TULP4: variants seen among roughly 807,000 people sequenced by gnomAD.
TULP4 encodes tubby-related protein 4.
A neutral mutation model predicts 129.0 loss-of-function variants in TULP4; 16 were observed. The observed-to-expected ratio is 0.12, with a 90% CI of 0.08 to 0.19. The LOEUF (loss-of-function observed/expected upper bound fraction) is 0.19, where lower values mean the gene tolerates loss of function less well. TULP4 is among the 10% of genes least tolerant of loss of function. The probability of loss-of-function intolerance (pLI) is 1.00; values close to 1 mark genes in which losing one functional copy is unlikely to be tolerated. For missense variants in TULP4, 1,842 were observed against 2,059.1 expected (o/e 0.89, Z 2.04); for synonymous variants, 998 against 854.0 (o/e 1.17, Z -2.94).
At chr6:158,450,760 AAAAAG>A (rs1343707133) in intron 4 of TULP4, among the ~76,000 whole-genome samples, 1 of 151,958 alleles carries the variant, frequency 6.6e-6, no homozygotes, top group Non-Finnish European at 1.5e-5. Flanking sequence ...TTGAAAAAAA[AAAAAG>A]AAAACAAGGG....
chr6:158,440,091 C>T (rs926597480), intron 3 of TULP4, among the ~76,000 whole-genome samples: 18 of 151,348 alleles, frequency 1.2e-4, no homozygotes, highest in African/African-American at 2.9e-4. Context: ...TTTGGGAGAC[C>T]GAGGCGGGAG....
chr6:158,260,214 G>A (rs1778326279), intron 1 of TULP4, among the ~76,000 whole-genome samples: 1 of 152,174 alleles, frequency 6.6e-6, no homozygotes, highest in South Asian at 2.1e-4. Context: ...ACTCTTCACA[G>A]ATAACAAAAG....
intron 3 of TULP4, among the ~76,000 whole-genome samples, chr6:158,434,319 G>A (rs541517276): frequency 3.3e-5 from 5 of 152,294 alleles, no homozygotes; most frequent in African/African-American, 1.2e-4. Context: ...AAGAAATAGT[G>A]ATATAAACTC....
At chr6:158,402,402 G>A (rs144980585) in intron 1 of TULP4, among the ~76,000 whole-genome samples, 167 of 152,336 alleles carry the variant, frequency 1.1e-3, no homozygotes, top group African/African-American at 3.9e-3. Context: ...TGGAGTCACA[G>A]ATTGGTTTTT....
At chr6:158,500,113 G>A (rs553595239) in intron 12 of TULP4, among the ~76,000 whole-genome samples, 202 of 152,310 alleles carry the variant, frequency 1.3e-3, no homozygotes, top group Non-Finnish European at 2.1e-3. Flanking sequence ...AAAATGCGAG[G>A]AATACAGCCC....
intron 1 of TULP4, among the ~76,000 whole-genome samples, chr6:158,330,501 CTT>C (rs962476198): frequency 6.6e-6 from 1 of 152,220 alleles, no homozygotes; most frequent in South Asian, 2.1e-4. Flanking sequence ...CTTTCTCTCT[CTT>C]GTTATATATG....
At chr6:158,278,764 A>C (rs571613575), upstream of TULP4, among the ~76,000 whole-genome samples, 1 of 152,104 alleles carries the variant, frequency 6.6e-6, no homozygotes, top group Non-Finnish European at 1.5e-5. Context: ...ATCTTATTGA[A>C]CAAATACTTT....
intron 1 of TULP4, among the ~76,000 whole-genome samples, chr6:158,244,926 C>T (rs1403138130): frequency 1.3e-5 from 2 of 152,000 alleles, no homozygotes; most frequent in East Asian, 1.9e-4. Flanking sequence ...ATGGTTTTAT[C>T]GCAGCCTGAG....
At position 158,452,191 on chromosome 6, in the gene TULP4, G is replaced by C; in HGVS notation, c.782G>C (p.Ser261Thr). 1.9e-6 allele frequency: 3 copies of C among 1,614,210 alleles called. No individual in the cohort carries two copies. Among genetic ancestry groups the C allele is most frequent in the Middle Eastern group, 1.6e-4 (1 of 6,062 alleles). The change falls in exon 5 of 14, where the codon AGC (serine) becomes ACC (threonine). Residue 261 changes from serine to threonine, a missense_variant. Coordinates refer to ENST00000367097, the MANE Select transcript of TULP4 (RefSeq NM_020245.5). ...VQNIKPLLTV[S>T]FTSGDISLMN... ...AACATCAAGCCTCTGCTCACCGTCA[G>C]CTTCACCTCGGGAGACATCAGCTTA...
chr6:158,266,993 C>T (rs932227384), intron 1 of TULP4, among the ~76,000 whole-genome samples: 2 of 152,170 alleles, frequency 1.3e-5, no homozygotes, highest in African/African-American at 4.8e-5. Flanking sequence ...CTCTGATAAC[C>T]ACCATTCTAT....
intron 5 of TULP4, among the ~76,000 whole-genome samples, chr6:158,453,518 C>T (rs534766526): frequency 1.6e-5 from 2 of 122,734 alleles, no homozygotes; most frequent in South Asian, 2.8e-4. Context: ...AAGCCGGGCA[C>T]GGTAGCTCAC....
chr6:158,327,262 T>C (rs1342209), intron 1 of TULP4, among the ~76,000 whole-genome samples: 130,976 of 152,126 alleles, frequency 0.86, 56,816 homozygotes, highest in South Asian at 0.93. Context: ...TGTTCTTTTT[T>C]CTAGGTATTC....
intron 1 of TULP4, among the ~76,000 whole-genome samples, chr6:158,255,191 T>C (rs1463403072): frequency 1.3e-5 from 2 of 152,072 alleles, no homozygotes; most frequent in Non-Finnish European, 2.9e-5. Context: ...CCCCTGCAGG[T>C]GTTGCTGGAG....
intron 6 of TULP4, among the ~76,000 whole-genome samples, chr6:158,476,171 G>A (rs1166349272): frequency 1.3e-5 from 2 of 151,992 alleles, no homozygotes; most frequent in Non-Finnish European, 2.9e-5. Context: ...CATCTTACAT[G>A]GACTATATGC....
At chr6:158,243,613 G>A (rs1388548251) in intron 1 of TULP4, among the ~76,000 whole-genome samples, 4 of 151,862 alleles carry the variant, frequency 2.6e-5, no homozygotes, top group Admixed American at 2.6e-4. Context: ...TCCTTGTAAT[G>A]TAAAATATGT....
chr6:158,371,955 C>G (rs1295168823), intron 1 of TULP4, among the ~76,000 whole-genome samples: 1 of 152,108 alleles, frequency 6.6e-6, no homozygotes, highest in Non-Finnish European at 1.5e-5. Context: ...GCTGGCACTA[C>G]AGGCACATGC....
intron 1 of TULP4, among the ~76,000 whole-genome samples, chr6:158,244,135 C>T (rs887126831): frequency 6.6e-6 from 1 of 152,080 alleles, no homozygotes; most frequent in African/African-American, 2.4e-5. Context: ...TCAAATTGCT[C>T]CCTCTTTGGG....
At chr6:158,336,536 T>C (rs1446408915) in intron 1 of TULP4, among the ~76,000 whole-genome samples, 1 of 152,184 alleles carries the variant, frequency 6.6e-6, no homozygotes, top group Non-Finnish European at 1.5e-5. Context: ...CATATTTTCT[T>C]GTAGCTTAGA....
intron 6 of TULP4, among the ~76,000 whole-genome samples, chr6:158,466,984 G>T (rs1055130843): frequency 6.6e-6 from 1 of 152,076 alleles, no homozygotes; most frequent in Non-Finnish European, 1.5e-5. Context: ...AAGGAAAGAG[G>T]CCTGTATAGA....
Sources: gnomAD v4.1 joint callset for allele counts (sites outside exome capture counted in the v4.1 genomes callset) on GRCh38, gnomAD v4.1.1 for gene constraint, MANE v1.5 for transcripts, NCBI Gene and HGNC (gene_info 2026-07-23, HGNC 2026-07-21) for gene names.